Variants in PPP4R3B observed in about 807,000 individuals in gnomAD.
PPP4R3B encodes the protein protein phosphatase 4 regulatory subunit 3B, also known as serine/threonine-protein phosphatase 4 regulatory subunit 3B.
A neutral mutation model predicts 95.4 loss-of-function variants in PPP4R3B; 52 were observed. The ratio of observed to expected loss-of-function variants is 0.54; its 90% CI spans 0.44 to 0.69. The LOEUF is 0.69. PPP4R3B is among the 30% of genes least tolerant of loss of function. The probability of loss-of-function intolerance (pLI) is 0.00; values close to 1 mark genes in which losing one functional copy is unlikely to be tolerated. For synonymous variants in PPP4R3B, 407 were observed against 343.9 expected (o/e 1.18, Z -2.03); for missense variants, 1,003 against 1,005.9 (o/e 1.00, Z 0.04).
At chr2:55,612,819 G>A (rs1008913510) in intron 2 of PPP4R3B, among the ~76,000 whole-genome samples, 6 of 152,090 alleles carry the variant, frequency 3.9e-5, no homozygotes, top group East Asian at 1.9e-4. Context: ...GGTGGCGGGC[G>A]CCTGTAGTCC....
chr2:55,573,886 CTTTT>C (rs369126683), intron 11 of PPP4R3B, 109 bp from the exon 12 acceptor site: 676 of 276,722 alleles, frequency 2.4e-3, no homozygotes, highest in South Asian at 5.2e-3. Context: ...GTATTTCCTC[CTTTT>C]TTTTTTTTTT....
At chr2:55,575,526 G>A (rs1306839401) in intron 11 of PPP4R3B, among the ~76,000 whole-genome samples, 2 of 151,936 alleles carry the variant, frequency 1.3e-5, no homozygotes, top group Non-Finnish European at 2.9e-5. Flanking sequence ...GCTCAATGCA[G>A]CCTCAACCTC....
intron 2 of PPP4R3B, among the ~76,000 whole-genome samples, chr2:55,609,914 G>A (rs1014137993): frequency 3.9e-5 from 6 of 152,216 alleles, no homozygotes; most frequent in African/African-American, 9.6e-5. Flanking sequence ...GAAACTGTAC[G>A]GACAGAATCT....
chr2:55,609,898 G>C (rs1465825618), intron 2 of PPP4R3B, among the ~76,000 whole-genome samples: 1 of 152,124 alleles, frequency 6.6e-6, no homozygotes, highest in Admixed American at 6.5e-5. Context: ...GTGGCCTCTA[G>C]CAAGGGAAAC....
intron 16 of PPP4R3B, among the ~76,000 whole-genome samples, chr2:55,556,569 A>G (rs1481467596): frequency 6.6e-6 from 1 of 152,022 alleles, no homozygotes; most frequent in African/African-American, 2.4e-5. Flanking sequence ...ATTTTTTTCT[A>G]ATATAAACTT....
intron 13 of PPP4R3B, among the ~76,000 whole-genome samples, chr2:55,565,452 G>C (rs1482621934): frequency 6.6e-6 from 1 of 151,946 alleles, no homozygotes. Flanking sequence ...TCTAAGAGAG[G>C]CTGGATGGTT....
rs770583725 is a variant in PPP4R3B at position 55,608,391 on chromosome 2, T to C, written c.199-4315A>G. The stretch of plus-strand genomic sequence containing the variant: ...GTTTATATTTAGAGTTCTTTTCCAA[T>C]GCTGAGGACTGACCCTGGGAAACAG... On this transcript the variant is annotated intron_variant, in intron 2 of 16. Coordinates refer to ENST00000616407, the MANE Select transcript of PPP4R3B (RefSeq NM_001122964.3). Among the ~76,000 whole-genome samples, 16 of 152,326 alleles carry C rather than the reference T, an allele frequency of 1.1e-4. No homozygotes were observed. In the Middle Eastern group the frequency reaches 0.01, roughly 97 times the overall value.
chr2:55,614,685 C>A (rs1694657053), intron 2 of PPP4R3B: 2 of 152,152 alleles, frequency 1.3e-5, no homozygotes, highest in African/African-American at 4.8e-5. Flanking sequence ...CAAGCTTTAA[C>A]TCTATCCATA....
chr2:55,602,488 T>C (rs1692758021), intron 3 of PPP4R3B, among the ~76,000 whole-genome samples: 1 of 152,170 alleles, frequency 6.6e-6, no homozygotes, highest in Non-Finnish European at 1.5e-5. Flanking sequence ...GCTAACAATG[T>C]GCTATGTGGT....
chr2:55,586,760 A>G (rs1444477811), intron 5 of PPP4R3B, 26 bp from the exon 6 acceptor site: 1 of 1,356,756 alleles, frequency 7.4e-7, no homozygotes, highest in African/African-American at 1.4e-5. Flanking sequence ...TTTTAGTGAG[A>G]CATTGATAAA....
Position 55,568,786 on chromosome 2 carries a change from C to A in PPP4R3B, c.1766-423G>T, listed in dbSNP as rs532599538. 2.0e-5 allele frequency among the ~76,000 whole-genome samples: 3 copies of A among 152,270 alleles called. No homozygotes were observed. In the South Asian group the frequency reaches 6.2e-4, roughly 32 times the overall value. On this transcript the variant is annotated intron_variant, in intron 12 of 16. Transcript: ENST00000616407. ...GAAGGCAGCTCAGAATCAGTGGGGG[C>A]ACTGTCATTAAGGTGGGCACAGGAG...
rs113756624 is a variant in PPP4R3B, at chr2:55,617,483, C to T, written c.-198G>A. The stretch of plus-strand genomic sequence containing the variant: ...CCACTGAGGCCTCTCCGCCCGGAGG[C>T]CCCGTTACCTCTCACTTCACCCGCG... On this transcript the variant is annotated 5_prime_UTR_variant, in exon 1 of 17. Coordinates refer to ENST00000616407, the MANE Select transcript of PPP4R3B (RefSeq NM_001122964.3). 5.7e-6 allele frequency: 3 copies of T among 524,578 alleles called. No individual in the cohort carries two copies. Among genetic ancestry groups the T allele is most frequent in the Admixed American group, 3.8e-5 (1 of 26,130 alleles). 32.5% of individuals were successfully genotyped at this position (524,578 alleles called of 1,614,324 possible). A position where few individuals can be genotyped will look rare whatever the true frequency, so the allele number is the denominator to read the frequency against.
At chr2:55,615,752 TG>T (rs1694806792) in intron 1 of PPP4R3B, among the ~76,000 whole-genome samples, 1 of 136,502 alleles carries the variant, frequency 7.3e-6, no homozygotes, top group Non-Finnish European at 1.5e-5. Flanking sequence ...CACGGGAGGG[TG>T]GGGCAGGAGA....
intron 6 of PPP4R3B, among the ~76,000 whole-genome samples, chr2:55,585,779 G>C (rs1343290782): frequency 6.6e-6 from 1 of 152,158 alleles, no homozygotes; most frequent in Non-Finnish European, 1.5e-5. Flanking sequence ...CCCCAACCCA[G>C]CAGTTCTCAA....
At chr2:55,611,722 T>C (rs1694188800) in intron 2 of PPP4R3B, among the ~76,000 whole-genome samples, 1 of 152,298 alleles carries the variant, frequency 6.6e-6, no homozygotes, top group East Asian at 1.9e-4. Flanking sequence ...CATTCCCCTC[T>C]GAATTTACTC....
intron 2 of PPP4R3B, 185 bp downstream of exon 2, chr2:55,615,266 A>G (rs151323327): frequency 1.5e-4 from 81 of 550,750 alleles, no homozygotes; most frequent in South Asian, 3.5e-4. Context: ...TCCAAAAATG[A>G]TAATTATCAC....
intron 15 of PPP4R3B, among the ~76,000 whole-genome samples, chr2:55,560,535 T>C (rs373578189): frequency 2.4e-4 from 37 of 152,136 alleles, no homozygotes; most frequent in African/African-American, 8.4e-4. Flanking sequence ...CACCAGCACT[T>C]TGGGAGGCTG....
intron 7 of PPP4R3B, among the ~76,000 whole-genome samples, chr2:55,582,311 G>A (rs1689551378): frequency 6.6e-6 from 1 of 152,098 alleles, no homozygotes. Flanking sequence ...TGCCCAGGCT[G>A]GAGTGCAGTG....
At chr2:55,612,714 G>A (rs1416460705) in intron 2 of PPP4R3B, among the ~76,000 whole-genome samples, 1 of 152,088 alleles carries the variant, frequency 6.6e-6, no homozygotes, top group East Asian at 1.9e-4. Context: ...GGGGGCCGAG[G>A]CGGGCGGATC....
Sources: gnomAD v4.1 joint callset for allele counts (sites outside exome capture counted in the v4.1 genomes callset) on GRCh38, gnomAD v4.1.1 for gene constraint, MANE v1.5 for transcripts, NCBI Gene and HGNC (gene_info 2026-07-23, HGNC 2026-07-21) for gene names.